QRFPR: variants seen among roughly 807,000 people sequenced by gnomAD.
The protein encoded by QRFPR is pyroglutamylated RFamide peptide receptor.
QRFPR carries 37 observed loss-of-function variants against 31.3 expected under a neutral mutation model. That is an observed-to-expected ratio of 1.18 (90% CI 0.91 to 1.56). The LOEUF (loss-of-function observed/expected upper bound fraction) is 1.56. Among genes scored for constraint, QRFPR ranks in the 40% most tolerant of loss-of-function variants. The pLI is 0.00. For missense variants in QRFPR, 542 were observed against 532.5 expected, an observed-to-expected ratio of 1.02 and a Z score of -0.18; for synonymous variants, 197 against 192.0, an observed-to-expected ratio of 1.03 and a Z score of -0.22.
In QRFPR at chr4:121,329,473, T is replaced by G. The variant is rs779656053; in HGVS notation, c.1137A>C (p.Arg379Ser). Residue 379 changes from arginine (R) to serine (S), a missense_variant, in exon 6 of 6, where the codon AGA (arginine) becomes AGC (serine). Coordinates refer to ENST00000394427, the MANE Select transcript of QRFPR (RefSeq NM_198179.3). ...MMRKKAKFSL[R>S]ENPVEETKGE... ...CTTTGGTTTCCTCCACTGGATTCTC[T>G]CTGAGGGAAAACTTTGCTTTCTTCC... is the stretch of plus-strand genomic sequence containing the variant. The G allele has an allele frequency of 2.7e-5, 44 of 1,614,042 alleles. No individual in the cohort carries two copies. The highest frequency in any genetic ancestry group is 3.5e-5 in the Non-Finnish European group (41 of 1,180,028).
chr4:121,372,742 G>A (rs555886639), intron 1 of QRFPR, among the ~76,000 whole-genome samples: 1 of 152,176 alleles, frequency 6.6e-6, no homozygotes, highest in Non-Finnish European at 1.5e-5. Context: ...CCATGTTGTA[G>A]TAAGTATCAG....
chr4:121,367,197 G>C (rs756715601), intron 1 of QRFPR, among the ~76,000 whole-genome samples: 2 of 149,922 alleles, frequency 1.3e-5, no homozygotes, highest in African/African-American at 2.5e-5. Context: ...ACAGAGGCAG[G>C]GGACAGTGGG....
chr4:121,341,295 C>G (rs1276402705), intron 1 of QRFPR, among the ~76,000 whole-genome samples: 1 of 152,188 alleles, frequency 6.6e-6, no homozygotes, highest in African/African-American at 2.4e-5. Context: ...CTTGGTCTGG[C>G]ACCTCTGGTC....
chr4:121,361,954 A>G (rs1444195424), intron 1 of QRFPR, among the ~76,000 whole-genome samples: 10 of 150,298 alleles, frequency 6.7e-5, no homozygotes, highest in Admixed American at 6.0e-4. Flanking sequence ...CTAAAATAAG[A>G]TATCTTCCAG....
chr4:121,346,060 CTG>C (rs61132039), intron 1 of QRFPR, among the ~76,000 whole-genome samples: 43,484 of 151,986 alleles, frequency 0.29, 6,578 homozygotes, highest in Middle Eastern at 0.38. Context: ...AATAATTACT[CTG>C]TGAATAATTT....
intron 1 of QRFPR, chr4:121,369,656 AG>A: frequency 6.3e-7 from 1 of 1,591,236 alleles, no homozygotes; most frequent in Non-Finnish European, 8.6e-7. Flanking sequence ...ATACTTCTGA[AG>A]GGATCTCAGT....
chr4:121,336,528 A>G (rs550017557), intron 3 of QRFPR, among the ~76,000 whole-genome samples: 1 of 152,374 alleles, frequency 6.6e-6, no homozygotes, highest in Non-Finnish European at 1.5e-5. Context: ...CACTGGGAAA[A>G]GCATACTCAG....
At chr4:121,361,313 G>T (rs1321130790) in intron 1 of QRFPR, among the ~76,000 whole-genome samples, 1 of 150,054 alleles carries the variant, frequency 6.7e-6, no homozygotes, top group African/African-American at 2.5e-5. Flanking sequence ...ATTACATTCT[G>T]CACCCTCCTT....
chr4:121,363,826 C>A (rs762469294), intron 1 of QRFPR, among the ~76,000 whole-genome samples: 11 of 149,696 alleles, frequency 7.3e-5, no homozygotes, highest in Non-Finnish European at 1.2e-4. Context: ...CCTGTACTGG[C>A]CATTTAATTA....
At chr4:121,361,151 A>G (rs71602330) in intron 1 of QRFPR, among the ~76,000 whole-genome samples, 40,966 of 150,354 alleles carry the variant, frequency 0.27, 7,794 homozygotes, top group Non-Finnish European at 0.35. Flanking sequence ...CAATTTCCCT[A>G]ATTATAATTA....
At chr4:121,365,281 G>A (rs1579586397) in intron 1 of QRFPR, among the ~76,000 whole-genome samples, 2 of 143,368 alleles carry the variant, frequency 1.4e-5, no homozygotes, top group South Asian at 4.4e-4. Context: ...GTGAAACCTC[G>A]TCTCTGCTAA....
chr4:121,351,960 C>T (rs1725769188), intron 1 of QRFPR, among the ~76,000 whole-genome samples: 1 of 151,396 alleles, frequency 6.6e-6, no homozygotes, highest in South Asian at 2.1e-4. Context: ...TGAAATTAAA[C>T]AGTAAACAAA....
chr4:121,333,391 T>C (rs1181282629), intron 3 of QRFPR, among the ~76,000 whole-genome samples: 2 of 152,228 alleles, frequency 1.3e-5, no homozygotes, highest in Non-Finnish European at 2.9e-5. Context: ...TTTGCCAAAG[T>C]ATATACTGAA....
At chr4:121,360,370 G>A (rs1725966153) in intron 1 of QRFPR, among the ~76,000 whole-genome samples, 1 of 152,060 alleles carries the variant, frequency 6.6e-6, no homozygotes, top group Non-Finnish European at 1.5e-5. Context: ...CTTATAAATT[G>A]CAAACACCGA....
chr4:121,351,109 C>A (rs1340082562), intron 1 of QRFPR, among the ~76,000 whole-genome samples: 3 of 152,190 alleles, frequency 2.0e-5, no homozygotes, highest in Non-Finnish European at 4.4e-5. Context: ...GGAAAGACAG[C>A]TTTCCTCAAC....
In QRFPR at chr4:121,370,227, G is replaced by C. The variant is rs984893372; in HGVS notation, c.340+10081C>G. On this transcript the variant is annotated intron_variant, in intron 1 of 5. Transcript: ENST00000394427. The stretch of plus-strand genomic sequence containing the variant: ...TGATGGAGGAGGAGTCATGGGTGCA[G>C]GGTCCTTGAGGGTATCATCATAGCT... The C allele has an allele frequency of 1.5e-5, 12 of 776,740 alleles. No individual in the cohort carries two copies. In the African/African-American group the frequency reaches 2.0e-4, roughly 13 times the overall value. 48.1% of individuals were successfully genotyped at this position (776,740 alleles called of 1,614,324 possible). A position where few individuals can be genotyped will look rare whatever the true frequency, so the allele number is the denominator to read the frequency against.
intron 1 of QRFPR, among the ~76,000 whole-genome samples, chr4:121,364,403 G>A (rs1415925306): frequency 2.0e-5 from 3 of 150,092 alleles, no homozygotes; most frequent in African/African-American, 4.9e-5. Context: ...TTGGGAGGCC[G>A]AGGCGGGTGG....
intron 1 of QRFPR, among the ~76,000 whole-genome samples, chr4:121,353,931 T>C (rs1169340662): frequency 6.6e-6 from 1 of 152,122 alleles, no homozygotes; most frequent in Non-Finnish European, 1.5e-5. Flanking sequence ...TGCATATTGA[T>C]AACCAGTTTT....
rs973937524 is a variant in QRFPR, at chr4:121,368,416, A to T, written c.340+11892T>A. Among the ~76,000 whole-genome samples the T allele has an allele frequency of 4.0e-5, 6 of 150,446 alleles. 1 individual carries two copies. The highest frequency in any genetic ancestry group is 8.9e-5 in the Non-Finnish European group (6 of 67,654). ...GAAGCTTTTAACCAAATTGCAGCTA[A>T]ATTAATCTCACTTTAAAGTGCAAGA... On this transcript the variant is annotated intron_variant, in intron 1 of 5. Transcript: ENST00000394427.
Sources: gnomAD v4.1 joint callset for allele counts (sites outside exome capture counted in the v4.1 genomes callset) on GRCh38, gnomAD v4.1.1 for gene constraint, MANE v1.5 for transcripts, NCBI Gene and HGNC (gene_info 2026-07-23, HGNC 2026-07-21) for gene names.